Variants in FABP12 observed in about 807,000 individuals in gnomAD.
FABP12 encodes fatty acid binding protein 12.
In FABP12, 19 loss-of-function variants were observed where a neutral mutation model predicts 13.7. That is an observed-to-expected ratio of 1.39 (90% confidence interval 0.97 to 2.04). The LOEUF (loss-of-function observed/expected upper bound fraction) is 2.04, where lower values mean the gene tolerates loss of function less well. FABP12 is among the 30% of genes most tolerant of loss of function. FABP12 has a pLI of 0.00. For missense variants in FABP12, 182 were observed against 164.2 expected (o/e 1.11, Z -0.59); for synonymous variants, 61 against 57.0 (o/e 1.07, Z -0.32).
chr8:81,541,597 T>C (rs1053721358), intron 1 of FABP12, among the ~76,000 whole-genome samples: 1 of 152,164 alleles, frequency 6.6e-6, no homozygotes, highest in Non-Finnish European at 1.5e-5. Flanking sequence ...AGGTTTTTTC[T>C]TTTTTAACTG....
At chr8:81,558,932 A>AG (rs1809669650) in intron 1 of FABP12, among the ~76,000 whole-genome samples, 2 of 149,366 alleles carry the variant, frequency 1.3e-5, no homozygotes, top group African/African-American at 4.9e-5. Flanking sequence ...GAGTACTTCC[A>AG]GGGGAAGGAC....
chr8:81,581,197 A>T (rs1236364408), intron 1 of FABP12, among the ~76,000 whole-genome samples: 1 of 152,112 alleles, frequency 6.6e-6, no homozygotes, highest in Non-Finnish European at 1.5e-5. Context: ...GGCAGAGCCC[A>T]CTCTTAAAGG....
intron 1 of FABP12, among the ~76,000 whole-genome samples, chr8:81,587,432 GT>G (rs1810256442): frequency 6.6e-6 from 1 of 152,154 alleles, no homozygotes; most frequent in South Asian, 2.1e-4. Flanking sequence ...AGCATGGAAC[GT>G]TTTTCCATTT....
chr8:81,571,264 G>T lies in FABP12; in HGVS notation c.-185+18789C>A, dbSNP rs543165585. 2.6e-5 allele frequency among the ~76,000 whole-genome samples: 4 copies of T among 152,318 alleles called. No individual in the cohort carries two copies. In the East Asian group the frequency reaches 7.7e-4, roughly 29 times the overall value. ...CTCCGAGCCTGCAAGGGCAAGTGGG[G>T]GACCTTCCCAGGCCCCCAGGAGTGC... is the stretch of plus-strand genomic sequence containing the variant. On this transcript the variant is annotated intron_variant, in intron 1 of 5. Coordinates refer to the FABP12 transcript ENST00000692030.
chr8:81,563,694 A>G (rs997538027), intron 1 of FABP12, among the ~76,000 whole-genome samples: 1 of 152,200 alleles, frequency 6.6e-6, no homozygotes, highest in Non-Finnish European at 1.5e-5. Context: ...AAGCAAAAGA[A>G]TTAGTGATCT....
chr8:81,569,647 G>A (rs1292112544), intron 1 of FABP12, among the ~76,000 whole-genome samples: 2 of 152,196 alleles, frequency 1.3e-5, no homozygotes, highest in Non-Finnish European at 2.9e-5. Flanking sequence ...CCAAGATTGA[G>A]TAAGCAGTTT....
chr8:81,553,155 GAGA>G (rs1036176799), intron 1 of FABP12, among the ~76,000 whole-genome samples: 1 of 152,158 alleles, frequency 6.6e-6, no homozygotes, highest in Non-Finnish European at 1.5e-5. Context: ...AAGAGACCTA[GAGA>G]AGAAGGGATT....
At chr8:81,566,516 T>C (rs1031849857) in intron 1 of FABP12, among the ~76,000 whole-genome samples, 8 of 152,070 alleles carry the variant, frequency 5.3e-5, no homozygotes, top group African/African-American at 1.7e-4. Context: ...GCTCAACATA[T>C]GCAAATCAAT....
intron 1 of FABP12, among the ~76,000 whole-genome samples, chr8:81,581,828 G>T (rs1394902741): frequency 6.6e-6 from 1 of 152,112 alleles, no homozygotes; most frequent in Non-Finnish European, 1.5e-5. Context: ...TGCTCATGGG[G>T]TCCTACACCT....
At chr8:81,558,657 C>T (rs1055397403) in intron 1 of FABP12, among the ~76,000 whole-genome samples, 4 of 151,878 alleles carry the variant, frequency 2.6e-5, no homozygotes, top group Admixed American at 1.3e-4. Flanking sequence ...TTTGGGAGGC[C>T]GAGGCGGGCA....
At chr8:81,587,352 A>C (rs2130115239) in intron 1 of FABP12, among the ~76,000 whole-genome samples, 1 of 152,296 alleles carries the variant, frequency 6.6e-6, no homozygotes, top group South Asian at 2.1e-4. Flanking sequence ...TTTGATAGAA[A>C]CAGCATTGAA....
At chr8:81,532,708 C>T (rs1809106663) in intron 1 of FABP12, among the ~76,000 whole-genome samples, 1 of 152,214 alleles carries the variant, frequency 6.6e-6, no homozygotes, top group Admixed American at 6.5e-5. Flanking sequence ...GTAGTCCCAG[C>T]TACTCGGGAG....
chr8:81,584,870 G>C (rs1810220357), intron 1 of FABP12, among the ~76,000 whole-genome samples: 1 of 152,102 alleles, frequency 6.6e-6, no homozygotes, highest in African/African-American at 2.4e-5. Context: ...ATCTATTATA[G>C]TTTTGATTTG....
intron 1 of FABP12, among the ~76,000 whole-genome samples, chr8:81,587,168 C>G (rs1278154454): frequency 6.6e-6 from 1 of 152,084 alleles, no homozygotes; most frequent in African/African-American, 2.4e-5. Flanking sequence ...GTTTTTGGAC[C>G]AGTACCATGC....
At chr8:81,555,550 G>A (rs539213127) in intron 1 of FABP12, among the ~76,000 whole-genome samples, 45 of 152,332 alleles carry the variant, frequency 3.0e-4, no homozygotes, top group African/African-American at 1.1e-3. Flanking sequence ...CATGGGAACA[G>A]TGGAAAGAAT....
At chr8:81,581,570 G>A (rs116363473) in intron 1 of FABP12, among the ~76,000 whole-genome samples, 2,282 of 152,194 alleles carry the variant, frequency 0.015, 49 homozygotes, top group African/African-American at 0.052. Context: ...AATTCTAAAA[G>A]CAGCAAGAGA....
rs1163834405 is a variant in FABP12, at chr8:81,529,843, A to G, written c.74-233T>C. On this transcript the variant is annotated intron_variant, in intron 2 of 4. Coordinates refer to ENST00000360464, the Ensembl canonical transcript of FABP12. ...TAAAATAGACTATCTTTGCAGAAAA[A>G]AAATCTGTCTCTAGTTGTTGTTTAG... is the stretch of plus-strand genomic sequence containing the variant. 2.0e-5 allele frequency among the ~76,000 whole-genome samples: 3 copies of G among 152,194 alleles called. No homozygotes were observed. In the East Asian group the frequency reaches 5.8e-4, roughly 29 times the overall value.
At chr8:81,560,671 T>A (rs1209730856) in intron 1 of FABP12, among the ~76,000 whole-genome samples, 1 of 152,228 alleles carries the variant, frequency 6.6e-6, no homozygotes, top group Non-Finnish European at 1.5e-5. Flanking sequence ...TCAAGAACTC[T>A]GTAGGAGTCA....
At chr8:81,565,482 T>C (rs1371274569) in intron 1 of FABP12, among the ~76,000 whole-genome samples, 1 of 152,044 alleles carries the variant, frequency 6.6e-6, no homozygotes. Flanking sequence ...AATTATATCG[T>C]GTATCTTCTC....
Sources: allele counts gnomAD v4.1 joint callset (sites outside exome capture counted in the v4.1 genomes callset), GRCh38; gene constraint gnomAD v4.1.1; transcripts MANE v1.5; gene names NCBI Gene and HGNC (gene_info 2026-07-23, HGNC 2026-07-21).